Variants in IRF8 observed in about 807,000 individuals in gnomAD.
IRF8 encodes the protein interferon consensus sequence binding protein 1.
A neutral mutation model predicts 48.7 loss-of-function variants in IRF8; 14 were observed. The ratio of observed to expected loss-of-function variants is 0.29; its 90% CI spans 0.19 to 0.45. The LOEUF is 0.45. Ranked by LOEUF, IRF8 falls within the 20% of genes least tolerant of loss-of-function variation. The pLI is 1.00. For synonymous variants in IRF8, 278 were observed against 227.3 expected (o/e 1.22, Z -2.01); for missense variants, 493 against 580.7 (o/e 0.85, Z 1.55).
intron 2 of IRF8, among the ~76,000 whole-genome samples, chr16:85,905,620 T>G (rs142789721): frequency 5.3e-5 from 8 of 152,230 alleles, no homozygotes; most frequent in Admixed American, 1.3e-4. Context: ...GAGCCCATCA[T>G]GTGCTTCCCT....
intron 3 of IRF8, 39 bp downstream of exon 3, chr16:85,909,212 G>A (rs1191573319): frequency 1.3e-6 from 2 of 1,575,310 alleles, no homozygotes; most frequent in South Asian, 2.2e-5. Context: ...TCCAGAAGCT[G>A]CCCTGGCCTG....
intron 5 of IRF8, chr16:85,914,111 C>T (rs1905225488): frequency 3.0e-6 from 1 of 334,478 alleles, no homozygotes; most frequent in African/African-American, 2.1e-5. Flanking sequence ...CTTGCACCCC[C>T]AGGCTCTCCC....
At chr16:85,906,252 G>T (rs1340927479) in intron 2 of IRF8, among the ~76,000 whole-genome samples, 2 of 152,208 alleles carry the variant, frequency 1.3e-5, no homozygotes, top group African/African-American at 4.8e-5. Flanking sequence ...CCTGGTCTTA[G>T]TTCAGTGCTG....
Position 85,911,583 on chromosome 16 carries a change from G to A in IRF8, c.372G>A (p.Val124=). ...GGTTTTCTGTAGGCAAACTAGGCGT[G>A]GCAACTGCTGGCTGCGTGAATGAAG... ...PEEEQKCKLG[V]ATAGCVNEVT... Residue 124 remains valine (V), a synonymous_variant, in exon 4 of 9, where the codon GTG becomes GTA. Coordinates refer to ENST00000268638, the MANE Select transcript of IRF8 (RefSeq NM_002163.4). The A allele has an allele frequency of 6.2e-7, 1 of 1,614,048 alleles. No individual in the cohort carries two copies. Among genetic ancestry groups the A allele is most frequent in the South Asian group, 1.1e-5 (1 of 91,046 alleles).
At chr16:85,919,771 C>G (rs1905474420) in intron 7 of IRF8, among the ~76,000 whole-genome samples, 1 of 152,204 alleles carries the variant, frequency 6.6e-6, no homozygotes, top group Admixed American at 6.5e-5. Context: ...TGCAGCCCTC[C>G]CTGGGTGTCC....
At chr16:85,914,400 A>C in intron 5 of IRF8, 73 bp from the exon 6 acceptor site, 1 of 1,578,352 alleles carries the variant, frequency 6.3e-7, no homozygotes. Context: ...CTTTTGGAGA[A>C]GGAGCGATTG....
Position 85,909,135 on chromosome 16 carries a change from A to T in IRF8, c.320A>T (p.Tyr107Phe), listed in dbSNP as rs1905077669. The change falls in exon 3 of 9, where the codon TAC becomes TTC. Residue 107 changes from tyrosine to phenylalanine, a missense_variant. Coordinates refer to ENST00000268638, the MANE Select transcript of IRF8 (RefSeq NM_002163.4). ...TCCCAACTGGACATTTCCGAGCCAT[A>T]CAAAGTTTACCGAATTGTTCCTGAG... ...DRSQLDISEP[Y>F]KVYRIVPEEE... 1 of 1,614,092 alleles carries T rather than the reference A, an allele frequency of 6.2e-7. No homozygotes were observed. The highest frequency in any genetic ancestry group is 1.3e-5 in the African/African-American group (1 of 74,944).
Position 85,922,567 on chromosome 16 carries a change from C to T in IRF8, c.*1285C>T, listed in dbSNP as rs1253324448. The T allele has an allele frequency of 1.3e-5, 2 of 152,152 alleles. No homozygotes were observed. Among genetic ancestry groups the T allele is most frequent in the East Asian group, 3.8e-4 (2 of 5,252 alleles). 9.4% of individuals were successfully genotyped at this position (152,152 alleles called of 1,614,324 possible). On this transcript the variant is annotated 3_prime_UTR_variant, in exon 9 of 9. Transcript: ENST00000268638. ...GTATCCATTAAAACAGTATATTGAT[C>T]TCTTTTATTCTTTATTAAAATAAAA...
chr16:85,910,897 G>A (rs996074157), intron 3 of IRF8, among the ~76,000 whole-genome samples: 10 of 152,244 alleles, frequency 6.6e-5, no homozygotes, highest in African/African-American at 2.4e-4. Flanking sequence ...AGTGTTGGTT[G>A]TGATACGTCT....
intron 7 of IRF8, 107 bp from the exon 8 acceptor site, chr16:85,920,002 C>A: frequency 1.2e-6 from 1 of 832,832 alleles, no homozygotes; most frequent in Non-Finnish European, 2.0e-6. Flanking sequence ...GTGCCCTGGC[C>A]TAAATGCTAC....
chr16:85,910,228 C>T (rs182041705), intron 3 of IRF8, among the ~76,000 whole-genome samples: 5 of 152,224 alleles, frequency 3.3e-5, no homozygotes, highest in East Asian at 1.9e-4. Flanking sequence ...GGCCCATGAA[C>T]GAGAAAGCTG....
intron 3 of IRF8, among the ~76,000 whole-genome samples, chr16:85,910,546 C>A (rs1054857132): frequency 6.6e-6 from 1 of 152,148 alleles, no homozygotes; most frequent in African/African-American, 2.4e-5. Flanking sequence ...TCTTTTGGCC[C>A]CTACTGCCAC....
intron 2 of IRF8, among the ~76,000 whole-genome samples, chr16:85,905,071 T>A (rs1220988730): frequency 6.6e-6 from 1 of 152,132 alleles, no homozygotes; most frequent in Non-Finnish European, 1.5e-5. Context: ...TAGCATCCCC[T>A]CCCCTACTGT....
rs770601305 is a variant in IRF8 at position 85,920,533 on chromosome 16, C to G, written c.1104+309C>G. Among the ~76,000 whole-genome samples, 3 of 152,116 alleles carry G rather than the reference C, an allele frequency of 2.0e-5. No individual in the cohort carries two copies. The East Asian group carries it at 5.8e-4, about 29-fold the overall frequency. Reference sequence around the variant, plus strand: ...GATTACAGGCGTGAGCCACCTCGCCCGGCAGTCTGGGCAGCTTTGAGCCCT... The same window carrying G: ...GATTACAGGCGTGAGCCACCTCGCCGGGCAGTCTGGGCAGCTTTGAGCCCT... On this transcript the variant is annotated intron_variant, in intron 8 of 8. Transcript: ENST00000268638.
rs532177354 is a variant in IRF8, at chr16:85,906,178, G to T, written c.175-2812G>T. Among the ~76,000 whole-genome samples, 5 of 152,242 alleles carry T rather than the reference G, an allele frequency of 3.3e-5. No individual in the cohort carries two copies. In the East Asian group the frequency reaches 9.6e-4, roughly 29 times the overall value. On this transcript the variant is annotated intron_variant, in intron 2 of 8. Transcript: ENST00000268638. Reference sequence around the variant, plus strand: ...TATTTCTCATTCAGCAGGCCTTGAAGGGAAAAATAGCATTTAATTAAAAAA... The same window carrying T: ...TATTTCTCATTCAGCAGGCCTTGAATGGAAAAATAGCATTTAATTAAAAAA...
chr16:85,919,999 G>A, intron 7 of IRF8, 110 bp from the exon 8 acceptor site: 2 of 808,012 alleles, frequency 2.5e-6, no homozygotes, highest in Middle Eastern at 4.5e-4. Context: ...ATGGTGCCCT[G>A]GCCTAAATGC....
intron 2 of IRF8, chr16:85,903,454 C>G (rs1385472899): frequency 6.3e-6 from 3 of 472,726 alleles, no homozygotes; most frequent in Admixed American, 3.4e-5. Context: ...TCTGCTGCTT[C>G]CTTTTCCTGA....
intron 5 of IRF8, chr16:85,914,023 C>T (rs1905222625): frequency 4.6e-6 from 1 of 216,528 alleles, no homozygotes; most frequent in Non-Finnish European, 9.4e-6. Context: ...TGAAGGTTGC[C>T]AGGCCTTGGG....
chr16:85,910,607 G>T (rs1011544158), intron 3 of IRF8, among the ~76,000 whole-genome samples: 2 of 152,110 alleles, frequency 1.3e-5, no homozygotes, highest in African/African-American at 4.8e-5. Context: ...CTTGTTTATA[G>T]CATGGGGTGC....
Sources: gnomAD v4.1 joint callset for allele counts (sites outside exome capture counted in the v4.1 genomes callset) on GRCh38, gnomAD v4.1.1 for gene constraint, MANE v1.5 for transcripts, NCBI Gene and HGNC (gene_info 2026-07-23, HGNC 2026-07-21) for gene names.